Variants in RARA observed in about 807,000 individuals in gnomAD.
The protein encoded by RARA is PML-DDX5-RARA fusion.
In RARA, 5 loss-of-function variants were observed where a neutral mutation model predicts 42.8. That is an observed-to-expected ratio of 0.12 (90% CI 0.06 to 0.25). The LOEUF (loss-of-function observed/expected upper bound fraction) is 0.25, where lower values mean the gene tolerates loss of function less well. Among genes scored for constraint, RARA ranks in the 10% least tolerant of loss-of-function variants. The pLI is 1.00. For synonymous variants in RARA, 256 were observed against 259.5 expected (o/e 0.99, Z 0.13); for missense variants, 402 against 628.7 (o/e 0.64, Z 3.86).
chr17:40,354,529 G>GGGGCT lies in RARA; in HGVS notation c.1012+32_1012+36dup. On this transcript the variant is annotated intron_variant, in intron 7 of 8. Transcript: ENST00000254066. This position sits in a 1 kb window ranked among gnomAD's most constrained non-coding sequence, Gnocchi z 4.5. ...GAGGTGGGCAGGGGGCCTGGGTCTGGGGGCTGGGCTGGGACGGGGGTGCAG... is the reference window on the plus strand; with the variant it reads ...GAGGTGGGCAGGGGGCCTGGGTCTGGGGGCTGGGCTGGGCTGGGACGGGGGTGCAG... 6.2e-7 allele frequency: 1 copy of GGGGCT among 1,609,818 alleles called. No individual in the cohort carries two copies. The highest frequency in any genetic ancestry group is 8.5e-7 in the Non-Finnish European group (1 of 1,178,146).
intron 1 of RARA, among the ~76,000 whole-genome samples, chr17:40,318,608 T>C (rs916688636): frequency 2.0e-4 from 30 of 152,334 alleles, no homozygotes; most frequent in African/African-American, 6.7e-4. Context: ...TGCCGCCGTG[T>C]CCAGGGTGGG....
intron 1 of RARA, among the ~76,000 whole-genome samples, chr17:40,319,829 G>C (rs904445999): frequency 1.3e-5 from 2 of 152,200 alleles, no homozygotes; most frequent in East Asian, 1.9e-4. Context: ...GGGCCGGGGG[G>C]GGCGGGTAGA....
rs1349987511 is a variant in RARA at position 40,352,327 on chromosome 17, C to A, written c.631-4C>A. The A allele has an allele frequency of 6.3e-7, 1 of 1,595,410 alleles. No homozygotes were observed. ...GAAGGCCCTCACTCTCCCTCCTCCC[C>A]CAGAACAACAGCTCAGAACAACGTG... On this transcript the variant is annotated splice_polypyrimidine_tract_variant and splice_region_variant and intron_variant, in intron 5 of 8. Coordinates refer to ENST00000254066, the MANE Select transcript of RARA (RefSeq NM_000964.4). The surrounding 1 kb of genome is among the most constrained non-coding windows in gnomAD (Gnocchi z 4.9).
chr17:40,350,525 C>T (rs907548659), intron 4 of RARA: 1 of 152,446 alleles, frequency 6.6e-6, no homozygotes, highest in Non-Finnish European at 1.5e-5. Flanking sequence ...ACAGGGAGAC[C>T]CTCTTGTGTT....
chr17:40,315,201 T>A (rs1162052772), intron 1 of RARA, among the ~76,000 whole-genome samples: 5 of 138,094 alleles, frequency 3.6e-5, no homozygotes, highest in African/African-American at 1.6e-4. Flanking sequence ...CACACGTATA[T>A]ATTTATTTAT....
intron 1 of RARA, among the ~76,000 whole-genome samples, chr17:40,329,657 G>A (rs1440503062): frequency 1.3e-5 from 2 of 152,060 alleles, no homozygotes; most frequent in African/African-American, 2.4e-5. Context: ...ATTTTGCCAT[G>A]TTGGCCAGGC....
chr17:40,347,984 G>T, intron 2 of RARA: 1 of 230,090 alleles, frequency 4.3e-6, no homozygotes, highest in Non-Finnish European at 8.4e-6. Context: ...GGCCGCCCAG[G>T]GGCAAGAGCT....
At chr17:40,343,197 A>G (rs1007762450) in intron 2 of RARA, 3 of 223,198 alleles carry the variant, frequency 1.3e-5, no homozygotes, top group Non-Finnish European at 2.6e-5. Flanking sequence ...CCTGGAATCC[A>G]ACAGCTTCAC....
intron 2 of RARA, chr17:40,341,757 CCCACCACCT>C: frequency 7.8e-7 from 1 of 1,289,884 alleles, no homozygotes; most frequent in Non-Finnish European, 9.8e-7. Flanking sequence ...TCTTCCCCGC[CCCACCACCT>C]CCTCCACCAC....
rs898221834 is a variant in RARA at position 40,344,763 on chromosome 17, C to G, written c.179-3553C>G. 5.3e-5 allele frequency among the ~76,000 whole-genome samples: 8 copies of G among 152,140 alleles called. No individual in the cohort carries two copies. In the East Asian group the frequency reaches 5.8e-4, roughly 11 times the overall value. ...TAAGTGAGTGAGGTGTCAGTGGACT[C>G]GGGTCCTGAGGCTGTGAGGTTGGGA... On this transcript the variant is annotated intron_variant, in intron 2 of 8. Coordinates refer to ENST00000254066, the MANE Select transcript of RARA (RefSeq NM_000964.4).
intron 3 of RARA, chr17:40,349,367 A>C: frequency 5.2e-6 from 1 of 192,270 alleles, no homozygotes; most frequent in South Asian, 9.8e-5. Flanking sequence ...TTCTCTGGCC[A>C]GCCCGTGTAT....
At position 40,334,660 on chromosome 17, in the gene RARA, T is replaced by G. The variant is rs559482951; in HGVS notation, c.178+3264T>G. Among the ~76,000 whole-genome samples the G allele has an allele frequency of 6.7e-3, 1,028 of 152,314 alleles. 10 individuals carry two copies. The highest frequency in any genetic ancestry group is 0.011 in the South Asian group (51 of 4,828). ...CAGGAGAGGTGGCAATCCATGGTCCTCCATTCCTGCAGGAGCAGTGGTATG... is the reference window on the plus strand; with the variant it reads ...CAGGAGAGGTGGCAATCCATGGTCCGCCATTCCTGCAGGAGCAGTGGTATG... On this transcript the variant is annotated intron_variant, in intron 2 of 8. Coordinates refer to ENST00000254066, the MANE Select transcript of RARA (RefSeq NM_000964.4).
At chr17:40,316,636 C>G (rs1290109736) in intron 1 of RARA, among the ~76,000 whole-genome samples, 1 of 152,240 alleles carries the variant, frequency 6.6e-6, no homozygotes, top group Admixed American at 6.5e-5. Context: ...GACTCCAGTC[C>G]TGGGCTGGTT....
rs1052253020 is a variant in RARA at position 40,331,499 on chromosome 17, C to T, written c.178+103C>T. ...TCTGTTCTGCTGTGAGTGGAAGGCA[C>T]GGTGAGCGACAAGGTCTTCTCCAGT... is the stretch of plus-strand genomic sequence containing the variant. On this transcript the variant is annotated intron_variant, in intron 2 of 8. Coordinates refer to ENST00000254066, the MANE Select transcript of RARA (RefSeq NM_000964.4). The T allele has an allele frequency of 2.6e-5, 35 of 1,329,600 alleles. 1 individual carries two copies. The highest frequency in any genetic ancestry group is 1.2e-4 in the African/African-American group (8 of 67,088). 82.4% of individuals were successfully genotyped at this position (1,329,600 alleles called of 1,614,324 possible). A position where few individuals can be genotyped will look rare whatever the true frequency, so the allele number is the denominator to read the frequency against.
intron 2 of RARA, among the ~76,000 whole-genome samples, chr17:40,335,036 A>G (rs548390965): frequency 2.6e-5 from 4 of 152,218 alleles, no homozygotes; most frequent in African/African-American, 9.6e-5. Context: ...TTCTGTGTGC[A>G]CTACGGGTCA....
rs1043295023 is a variant in RARA at position 40,345,769 on chromosome 17, C to T, written c.179-2547C>T. ...GGGCAGTCCCTCCCCCGTTGGTGTC[C>T]CTCCCCACTCCACCTGTGTGTGCAG... On this transcript the variant is annotated intron_variant, in intron 2 of 8. Coordinates refer to ENST00000254066, the MANE Select transcript of RARA (RefSeq NM_000964.4). The surrounding 1 kb of genome is among the most constrained non-coding windows in gnomAD (Gnocchi z 4.8). Among the ~76,000 whole-genome samples the T allele has an allele frequency of 6.6e-6, 1 of 152,168 alleles. No homozygotes were observed. The highest frequency in any genetic ancestry group is 1.5e-5 in the Non-Finnish European group (1 of 68,024).
rs2034605774 is a variant in RARA at position 40,355,860 on chromosome 17, A to G, written c.1172-149A>G. The G allele has an allele frequency of 6.4e-6, 5 of 779,234 alleles. No individual in the cohort carries two copies. In the South Asian group the frequency reaches 9.2e-5, roughly 14 times the overall value. 48.3% of individuals were successfully genotyped at this position (779,234 alleles called of 1,614,324 possible). ...CACCAGCCTCTGGACCTGGGGGCTT[A>G]AGAGAGCTGGCTCGTGTCAAAGAAC... On this transcript the variant is annotated intron_variant, in intron 8 of 8. Transcript: ENST00000254066. This position sits in a 1 kb window ranked among gnomAD's most constrained non-coding sequence, Gnocchi z 4.1.
In RARA at chr17:40,352,626, G is replaced by A. The variant is rs541031316; in HGVS notation, c.807+119G>A. 7 of 978,982 alleles carry A rather than the reference G, an allele frequency of 7.2e-6. No individual in the cohort carries two copies. Among genetic ancestry groups the A allele is most frequent in the South Asian group, 5.7e-5 (3 of 52,426 alleles). The allele number at this position is 978,982 out of a possible 1,614,324, so 60.6% of individuals were successfully genotyped here. ...CAATCAACCTGTCCAAATGCCCACC[G>A]CCCAAATGTCTGCCCTTCCTCTCCC... is the stretch of plus-strand genomic sequence containing the variant. On this transcript the variant is annotated intron_variant, in intron 6 of 8. Coordinates refer to ENST00000254066, the MANE Select transcript of RARA (RefSeq NM_000964.4). This position sits in a 1 kb window ranked among gnomAD's most constrained non-coding sequence, Gnocchi z 4.9.
chr17:40,332,419 T>C (rs930085131), intron 2 of RARA, among the ~76,000 whole-genome samples: 9 of 152,296 alleles, frequency 5.9e-5, no homozygotes, highest in Admixed American at 5.9e-4. Context: ...ACCACCCCTC[T>C]CACGGCTGCT....
Sources: allele counts gnomAD v4.1 joint callset (sites outside exome capture counted in the v4.1 genomes callset), GRCh38; gene constraint gnomAD v4.1.1; non-coding constraint Gnocchi (gnomAD v3.1); transcripts MANE v1.5; gene names NCBI Gene and HGNC (gene_info 2026-07-23, HGNC 2026-07-21).